The following COL15A1 variants were observed in gnomAD, a reference collection of about 807,000 sequenced individuals.
COL15A1 encodes collagen alpha-1(XV) chain.
Under a neutral mutation model 165.9 loss-of-function variants are expected in COL15A1, and 111 were observed. The ratio of observed to expected loss-of-function variants is 0.67; its 90% CI spans 0.57 to 0.78. COL15A1 has a LOEUF of 0.78. COL15A1 is among the 30% of genes least tolerant of loss of function. The pLI, the probability that COL15A1 is intolerant of heterozygous loss-of-function variation, is 0.00. For synonymous variants in COL15A1, 659 were observed against 674.8 expected, an observed-to-expected ratio of 0.98 and a Z score of 0.36; for missense variants, 1,745 against 1,789.7, an observed-to-expected ratio of 0.98 and a Z score of 0.45.
chr9:98,948,396 A>C (rs746734868), intron 2 of COL15A1, among the ~76,000 whole-genome samples: 20 of 152,126 alleles, frequency 1.3e-4, no homozygotes, highest in Non-Finnish European at 2.8e-4. Flanking sequence ...CAGGAGATTG[A>C]GACCATCCTA....
intron 2 of COL15A1, 28 bp downstream of exon 2, chr9:98,944,278 C>A (rs868652225): frequency 1.2e-6 from 2 of 1,603,616 alleles, no homozygotes; most frequent in African/African-American, 1.3e-5. Flanking sequence ...AGGGTGGCAC[C>A]GGCTGCCTCC....
At chr9:98,960,448 T>A (rs1837847762) in intron 2 of COL15A1, among the ~76,000 whole-genome samples, 1 of 152,106 alleles carries the variant, frequency 6.6e-6, no homozygotes, top group African/African-American at 2.4e-5. Context: ...GGATCCCAAA[T>A]CCTGCCTCAG....
At chr9:98,952,860 C>T (rs1837713844) in intron 2 of COL15A1, among the ~76,000 whole-genome samples, 1 of 152,190 alleles carries the variant, frequency 6.6e-6, no homozygotes. Context: ...TCTGGTATCT[C>T]TGTATTACTG....
At chr9:99,052,536 T>A in intron 31 of COL15A1, 103 bp downstream of exon 31, 1 of 923,550 alleles carries the variant, frequency 1.1e-6, no homozygotes, top group Non-Finnish European at 1.8e-6. Context: ...GTCAGGAAGG[T>A]CTAACTGGAT....
At chr9:98,965,056 G>T (rs1837934736) in intron 2 of COL15A1, among the ~76,000 whole-genome samples, 1 of 152,186 alleles carries the variant, frequency 6.6e-6, no homozygotes, top group Admixed American at 6.5e-5. Context: ...GAGGCTGCAA[G>T]AAAGTATGTC....
rs775541891 is a variant in COL15A1, at chr9:98,985,771, C to T, written c.307C>T (p.Arg103Cys). 1.1e-5 allele frequency: 17 copies of T among 1,613,958 alleles called. No individual in the cohort carries two copies. Among genetic ancestry groups the T allele is most frequent in the South Asian group, 4.4e-5 (4 of 91,088 alleles). Reference sequence around the variant, plus strand: ...CGTCGTGGTGAAGCCCAGCAGCACCCGTGGTGGCGTGCTCTTCGCCATCAC... The same window carrying T: ...CGTCGTGGTGAAGCCCAGCAGCACCTGTGGTGGCGTGCTCTTCGCCATCAC... The part of the protein sequence containing the change: ...ISVVVKPSST[R>C]GGVLFAITDA... The change falls in exon 3 of 42, where the codon CGT (arginine) becomes TGT (cysteine). Residue 103 changes from arginine to cysteine, a missense_variant. Coordinates refer to ENST00000375001, the MANE Select transcript of COL15A1 (RefSeq NM_001855.5).
At position 99,056,392 on chromosome 9, in the gene COL15A1, A is replaced by C; in HGVS notation, c.3325A>C (p.Ile1109Leu). The change falls in exon 35 of 42, where the codon ATC becomes CTC. Residue 1109 changes from isoleucine to leucine, a missense_variant. Ile to Leu is a conservative substitution (Grantham distance 5, BLOSUM62 2). Coordinates refer to ENST00000375001, the MANE Select transcript of COL15A1 (RefSeq NM_001855.5). Reference protein sequence around the residue: ...GPPGPPGPPAILGAAVALPGP... With the variant: ...GPPGPPGPPALLGAAVALPGP... ...CCCGGGGCCACCAGGACCTCCAGCT[A>C]TCCTGGGAGCAGGTTAGTGCCGTAA... 6.2e-7 allele frequency: 1 copy of C among 1,611,436 alleles called. No individual in the cohort carries two copies. The highest frequency in any genetic ancestry group is 2.2e-5 in the East Asian group (1 of 44,860).
chr9:99,026,206 C>T (rs1839121395), intron 16 of COL15A1, among the ~76,000 whole-genome samples: 1 of 152,206 alleles, frequency 6.6e-6, no homozygotes, highest in South Asian at 2.1e-4. Flanking sequence ...TTGCCATCTA[C>T]CTGGTCACCT....
At chr9:98,984,759 C>A (rs1838281994) in intron 2 of COL15A1, among the ~76,000 whole-genome samples, 1 of 152,140 alleles carries the variant, frequency 6.6e-6, no homozygotes. Flanking sequence ...AAACAATAGA[C>A]CTCATTCAAA....
At chr9:99,034,885 AG>A in intron 17 of COL15A1, 128 bp from the exon 18 acceptor site, 2 of 923,180 alleles carry the variant, frequency 2.2e-6, no homozygotes, top group Non-Finnish European at 3.5e-6. Context: ...TGTACCATTA[AG>A]TGGTACCGAT....
chr9:98,968,963 T>C (rs561883062), intron 2 of COL15A1, among the ~76,000 whole-genome samples: 5 of 152,342 alleles, frequency 3.3e-5, no homozygotes, highest in African/African-American at 1.2e-4. Context: ...ATTTCATTGA[T>C]CTGAGAAAAA....
Position 99,038,687 on chromosome 9 carries a change from A to G in COL15A1, c.2429A>G (p.His810Arg), listed in dbSNP as rs1390054887. Residue 810 changes from histidine to arginine, a missense_variant, in exon 22 of 42, where the codon CAT becomes CGT. His to Arg is a conservative substitution (Grantham distance 29). Transcript: ENST00000375001. ...VLSNSLINIT[H>R]GFMNFSDIPE... is the part of the protein sequence containing the mutation. ...TTTCAGTCCTTGATCAATATCACCCATGGATTCATGAATTTCTCGGACATT... is the reference window on the plus strand; with the variant it reads ...TTTCAGTCCTTGATCAATATCACCCGTGGATTCATGAATTTCTCGGACATT... 1.2e-6 allele frequency: 2 copies of G among 1,608,194 alleles called. No individual in the cohort carries two copies. The highest frequency in any genetic ancestry group is 1.7e-6 in the Non-Finnish European group (2 of 1,174,790).
rs1825720220 is a variant in COL15A1 at position 99,056,363 on chromosome 9, G to A, written c.3296G>A (p.Gly1099Glu). The A allele has an allele frequency of 6.2e-7, 1 of 1,613,082 alleles. No individual in the cohort carries two copies. The highest frequency in any genetic ancestry group is 8.5e-7 in the Non-Finnish European group (1 of 1,179,926). The change falls in exon 35 of 42, where the codon GGG becomes GAG. Residue 1099 changes from glycine to glutamate, a missense_variant. Coordinates refer to ENST00000375001, the MANE Select transcript of COL15A1 (RefSeq NM_001855.5). ...AGACCTGGTGATCCTGGGCCACCGG[G>A]GCCCCCGGGGCCACCAGGACCTCCA... ...FGRPGDPGPP[G>E]PPGPPGPPAI...
At chr9:98,976,322 A>T (rs1410412968) in intron 2 of COL15A1, among the ~76,000 whole-genome samples, 3 of 152,244 alleles carry the variant, frequency 2.0e-5, no homozygotes, top group African/African-American at 7.2e-5. Context: ...AATACATAGA[A>T]TAAATCACAG....
chr9:98,971,726 T>C (rs973252667), intron 2 of COL15A1, among the ~76,000 whole-genome samples: 1 of 152,214 alleles, frequency 6.6e-6, no homozygotes, highest in African/African-American at 2.4e-5. Flanking sequence ...CTGCCAGGAC[T>C]GAGGGGTCCG....
chr9:98,979,227 TA>T (rs778319576), intron 2 of COL15A1, among the ~76,000 whole-genome samples: 17 of 152,242 alleles, frequency 1.1e-4, no homozygotes, highest in Admixed American at 4.6e-4. Flanking sequence ...AAAAAATTCA[TA>T]GACGTATGAC....
chr9:99,035,222 C>T, intron 18 of COL15A1, 68 bp downstream of exon 18: 2 of 1,570,564 alleles, frequency 1.3e-6, no homozygotes, highest in African/African-American at 1.4e-5. Flanking sequence ...GACCAGCTAG[C>T]TAAACCCTGG....
intron 9 of COL15A1, among the ~76,000 whole-genome samples, chr9:99,010,765 T>C (rs55803862): frequency 1.3e-5 from 2 of 152,190 alleles, no homozygotes; most frequent in African/African-American, 4.8e-5. Flanking sequence ...CGTAATAACC[T>C]TAATTAAAAA....
intron 2 of COL15A1, among the ~76,000 whole-genome samples, chr9:98,976,626 G>C (rs1052903957): frequency 6.6e-6 from 1 of 152,178 alleles, no homozygotes; most frequent in Admixed American, 6.5e-5. Flanking sequence ...CTCTCACCAG[G>C]GCCTCAGACT....
Sources: gnomAD v4.1 joint callset for allele counts (sites outside exome capture counted in the v4.1 genomes callset) on GRCh38, gnomAD v4.1.1 for gene constraint, MANE v1.5 for transcripts, NCBI Gene and HGNC (gene_info 2026-07-23, HGNC 2026-07-21) for gene names.